The following DYNLL2 variants were observed in gnomAD, a reference collection of about 807,000 sequenced individuals.
DYNLL2 encodes dynein light chain 2, cytoplasmic.
Under a neutral mutation model 9.7 loss-of-function variants are expected in DYNLL2, and 1 was observed. The observed-to-expected ratio is 0.10, with a 90% CI of 0.04 to 0.49. The LOEUF (loss-of-function observed/expected upper bound fraction) is 0.49. DYNLL2 is among the 20% of genes least tolerant of loss of function. The pLI is 0.95. For missense variants in DYNLL2, 37 were observed against 115.2 expected, an observed-to-expected ratio of 0.32 and a Z score of 3.11; for synonymous variants, 35 against 40.5, an observed-to-expected ratio of 0.86 and a Z score of 0.52.
chr17:58,084,500 A>G (rs947583997), intron 1 of DYNLL2, among the ~76,000 whole-genome samples: 12 of 151,988 alleles, frequency 7.9e-5, no homozygotes, highest in African/African-American at 2.2e-4. Context: ...TCTTCCTCCT[A>G]TCTGGAGGCC....
intron 1 of DYNLL2, among the ~76,000 whole-genome samples, chr17:58,085,834 C>T (rs1207144515): frequency 1.3e-5 from 2 of 152,178 alleles, no homozygotes; most frequent in African/African-American, 4.8e-5. Flanking sequence ...AGGAAGGCTT[C>T]AGCATTCCTT....
Position 58,083,471 on chromosome 17 carries a change from G to GCGGC in DYNLL2, c.-219_-218insCCGG. The GCGGC allele has an allele frequency of 6.7e-6, 1 of 148,358 alleles. No homozygotes were observed. Among genetic ancestry groups the GCGGC allele is most frequent in the South Asian group, 1.8e-4 (1 of 5,528 alleles). 9.2% of individuals were successfully genotyped at this position (148,358 alleles called of 1,614,324 possible). On this transcript the variant is annotated 5_prime_UTR_variant, in exon 1 of 3. Coordinates refer to ENST00000579991, the MANE Select transcript of DYNLL2 (RefSeq NM_080677.3). ...GCGCCAGTGCGGAGCGGGCGGGCGG[G>GCGGC]CGGGCGGCGTGAGGCGGAGCGCGGG...
rs1484457467 is a variant in DYNLL2, at chr17:58,094,858, A to C, written c.*5579A>C. 6.6e-6 allele frequency: 1 copy of C among 152,262 alleles called. No individual in the cohort carries two copies. The highest frequency in any genetic ancestry group is 1.5e-5 in the Non-Finnish European group (1 of 68,044). 9.4% of individuals were successfully genotyped at this position (152,262 alleles called of 1,614,324 possible). On this transcript the variant is annotated 3_prime_UTR_variant, in exon 3 of 3. Coordinates refer to ENST00000579991, the MANE Select transcript of DYNLL2 (RefSeq NM_080677.3). ...ACATTTCATATAAATGCAATTGTAC[A>C]TGTGGCCTTTTGTTTCTGGCTTCTT...
Position 58,093,286 on chromosome 17 carries a change from C to T in DYNLL2, c.*4007C>T, listed in dbSNP as rs1225715640. 6.6e-6 allele frequency: 1 copy of T among 152,208 alleles called. No homozygotes were observed. Among genetic ancestry groups the T allele is most frequent in the Non-Finnish European group, 1.5e-5 (1 of 68,034 alleles). The allele number at this position is 152,208 out of a possible 1,614,324, so 9.4% of individuals were successfully genotyped here. ...CACCTTGAAAGGCGTGAGAGGGTCA[C>T]TCCCAGGTGTATTCAAGCAAGAGTG... On this transcript the variant is annotated 3_prime_UTR_variant, in exon 3 of 3. Transcript: ENST00000579991.
chr17:58,091,145 G>A lies in DYNLL2; in HGVS notation c.*1866G>A, dbSNP rs1228139506. 1 of 152,152 alleles carries A rather than the reference G, an allele frequency of 6.6e-6. No individual in the cohort carries two copies. Among genetic ancestry groups the A allele is most frequent in the Non-Finnish European group, 1.5e-5 (1 of 68,140 alleles). 9.4% of individuals were successfully genotyped at this position (152,152 alleles called of 1,614,324 possible). A position where few individuals can be genotyped will look rare whatever the true frequency, so the allele number is the denominator to read the frequency against. ...TGTGTTCATCTCTCCCTCATTTCTG[G>A]AGCAGGGCCTGAGACCCTGCCACAT... On this transcript the variant is annotated 3_prime_UTR_variant, in exon 3 of 3. Transcript: ENST00000579991.
Position 58,091,442 on chromosome 17 carries a change from G to T in DYNLL2, c.*2163G>T, listed in dbSNP as rs1267557792. 1 of 152,150 alleles carries T rather than the reference G, an allele frequency of 6.6e-6. No homozygotes were observed. The highest frequency in any genetic ancestry group is 1.5e-5 in the Non-Finnish European group (1 of 68,094). The allele number at this position is 152,150 out of a possible 1,614,324, so 9.4% of individuals were successfully genotyped here. On this transcript the variant is annotated 3_prime_UTR_variant, in exon 3 of 3. Coordinates refer to ENST00000579991, the MANE Select transcript of DYNLL2 (RefSeq NM_080677.3). ...CTAACCAGCAGCACTCACCCTTAAG[G>T]GCTCCTGGGTTCTGCCTTCCTTGGT...
intron 2 of DYNLL2, 39 bp downstream of exon 2, chr17:58,087,261 G>A (rs879177663): frequency 1.2e-6 from 2 of 1,610,032 alleles, no homozygotes; most frequent in Non-Finnish European, 1.7e-6. Context: ...CAGGGGTGGG[G>A]ATCGACAGCT....
rs999705814 is a variant in DYNLL2 at position 58,093,505 on chromosome 17, T to C, written c.*4226T>C. On this transcript the variant is annotated 3_prime_UTR_variant, in exon 3 of 3. Coordinates refer to ENST00000579991, the MANE Select transcript of DYNLL2 (RefSeq NM_080677.3). ...AGGTGAGTGGCAAAGCCCATGTAGC[T>C]GGTGGCATTACTAGAACTTAGCACT... 1 of 152,224 alleles carries C rather than the reference T, an allele frequency of 6.6e-6. No individual in the cohort carries two copies. The highest frequency in any genetic ancestry group is 1.5e-5 in the Non-Finnish European group (1 of 68,042). 9.4% of individuals were successfully genotyped at this position (152,224 alleles called of 1,614,324 possible).
Position 58,087,121 on chromosome 17 carries a change from G to A in DYNLL2, c.31G>A (p.Ala11Thr). Residue 11 changes from alanine (A) to threonine (T), a missense_variant, in exon 2 of 3, where the codon GCA (alanine) becomes ACA (threonine). Coordinates refer to ENST00000579991, the MANE Select transcript of DYNLL2 (RefSeq NM_080677.3). Reference protein sequence around the residue: MSDRKAVIKNADMSEDMQQDA... With the variant: MSDRKAVIKNTDMSEDMQQDA... Reference sequence around the variant, plus strand: ...TGACCGGAAGGCAGTGATCAAGAACGCAGACATGTCTGAGGACATGCAACA... The same window carrying A: ...TGACCGGAAGGCAGTGATCAAGAACACAGACATGTCTGAGGACATGCAACA... 1 of 1,614,164 alleles carries A rather than the reference G, an allele frequency of 6.2e-7. No individual in the cohort carries two copies. The highest frequency in any genetic ancestry group is 8.5e-7 in the Non-Finnish European group (1 of 1,180,018).
In DYNLL2 at chr17:58,087,123, A is replaced by G. The variant is rs1181302374; in HGVS notation, c.33A>G (p.Ala11=). The change falls in exon 2 of 3, where the codon GCA becomes GCG. Residue 11 remains alanine (A), a synonymous_variant. Coordinates refer to ENST00000579991, the MANE Select transcript of DYNLL2 (RefSeq NM_080677.3). ...ACCGGAAGGCAGTGATCAAGAACGC[A>G]GACATGTCTGAGGACATGCAACAGG... is the stretch of plus-strand genomic sequence containing the variant. MSDRKAVIKN[A]DMSEDMQQDA... is the part of the protein sequence containing the mutation. 2 of 1,614,136 alleles carry G rather than the reference A, an allele frequency of 1.2e-6. No homozygotes were observed. Among genetic ancestry groups the G allele is most frequent in the African/African-American group, 2.7e-5 (2 of 74,952 alleles).
intron 2 of DYNLL2, 139 bp downstream of exon 2, chr17:58,087,361 C>A: frequency 8.0e-7 from 1 of 1,256,920 alleles, no homozygotes; most frequent in Non-Finnish European, 1.1e-6. Context: ...GCAAAGCAGA[C>A]AAACTAGCGA....
chr17:58,084,355 C>G (rs2075750194), intron 1 of DYNLL2, among the ~76,000 whole-genome samples: 1 of 152,126 alleles, frequency 6.6e-6, no homozygotes, highest in African/African-American at 2.4e-5. Flanking sequence ...TGGTCCGTGT[C>G]ATTCGGAGAT....
At chr17:58,084,147 G>A (rs1424090670) in intron 1 of DYNLL2, among the ~76,000 whole-genome samples, 1 of 151,942 alleles carries the variant, frequency 6.6e-6, no homozygotes, top group African/African-American at 2.4e-5. Flanking sequence ...GGGGGAGGGC[G>A]GCCGACCGGC....
At chr17:58,086,009 T>C (rs2075758668) in intron 1 of DYNLL2, among the ~76,000 whole-genome samples, 1 of 152,148 alleles carries the variant, frequency 6.6e-6, no homozygotes, top group South Asian at 2.1e-4. Flanking sequence ...TCAAAAATTA[T>C]ATTGGGCTTT....
intron 1 of DYNLL2, among the ~76,000 whole-genome samples, chr17:58,085,647 C>T (rs1250742321): frequency 3.9e-5 from 6 of 152,138 alleles, no homozygotes; most frequent in Admixed American, 1.3e-4. Flanking sequence ...AGATTCCGCT[C>T]GTCCCAAGAA....
intron 1 of DYNLL2, among the ~76,000 whole-genome samples, chr17:58,085,630 C>T (rs894511890): frequency 2.0e-5 from 3 of 152,178 alleles, no homozygotes; most frequent in African/African-American, 4.8e-5. Context: ...CTGTCAGGCA[C>T]GTCCTGAGAT....
Position 58,089,677 on chromosome 17 carries a change from T to C in DYNLL2, c.*398T>C, listed in dbSNP as rs941836303. On this transcript the variant is annotated 3_prime_UTR_variant, in exon 3 of 3. Transcript: ENST00000579991. ...GGAGGTGGAACTAAAACTGTGCAGC[T>C]GCCTCTTCCTGGCGGTGGATGCTGC... 3 of 409,190 alleles carry C rather than the reference T, an allele frequency of 7.3e-6. No homozygotes were observed. The highest frequency in any genetic ancestry group is 8.7e-5 in the Admixed American group (2 of 23,108). 25.3% of individuals were successfully genotyped at this position (409,190 alleles called of 1,614,324 possible).
chr17:58,087,496 A>C (rs1331672894), intron 2 of DYNLL2, among the ~76,000 whole-genome samples: 1 of 152,194 alleles, frequency 6.6e-6, no homozygotes, highest in Non-Finnish European at 1.5e-5. Context: ...TTGGGGAAGG[A>C]TAAGATTATG....
At position 58,090,838 on chromosome 17, in the gene DYNLL2, G is replaced by T. The variant is rs994147330; in HGVS notation, c.*1559G>T. On this transcript the variant is annotated 3_prime_UTR_variant, in exon 3 of 3. Transcript: ENST00000579991. ...CTCTCGTGTAGGGTTGACAATGTGG[G>T]GGGGTGGGGGATCCAGCTTATTCTT... 1 of 151,298 alleles carries T rather than the reference G, an allele frequency of 6.6e-6. No homozygotes were observed. The highest frequency in any genetic ancestry group is 2.4e-5 in the African/African-American group (1 of 41,096). The allele number at this position is 151,298 out of a possible 1,614,324, so 9.4% of individuals were successfully genotyped here.
Sources: allele counts gnomAD v4.1 joint callset (sites outside exome capture counted in the v4.1 genomes callset), GRCh38; gene constraint gnomAD v4.1.1; transcripts MANE v1.5; gene names NCBI Gene and HGNC (gene_info 2026-07-23, HGNC 2026-07-21).